The following RAB6B variants were observed in gnomAD, a reference collection of about 807,000 sequenced individuals.
The protein encoded by RAB6B is RAB6B, member RAS oncogene family, also known as ras-related protein Rab-6B.
A neutral mutation model predicts 31.2 loss-of-function variants in RAB6B; 7 were observed. The ratio of observed to expected loss-of-function variants is 0.22; its 90% CI spans 0.13 to 0.42. RAB6B has a LOEUF of 0.42. Among genes scored for constraint, RAB6B ranks in the 10% least tolerant of loss-of-function variants. The probability of loss-of-function intolerance (pLI) is 1.00; values close to 1 mark genes in which losing one functional copy is unlikely to be tolerated. For missense variants in RAB6B, 149 were observed against 280.6 expected (o/e 0.53, Z 3.35); for synonymous variants, 105 against 104.9 (o/e 1.00, Z -0.01).
rs1274739688 is a variant in RAB6B, at chr3:133,824,462, T to G, written c.*4326A>C. On this transcript the variant is annotated 3_prime_UTR_variant, in exon 8 of 8. Coordinates refer to ENST00000285208, the MANE Select transcript of RAB6B (RefSeq NM_016577.4). The stretch of plus-strand genomic sequence containing the variant: ...CCGCGAGATGCAGGCTGGCCTTCAA[T>G]GCTATGGAGGCTTCCCACCTCCTGA... 6.6e-6 allele frequency: 1 copy of G among 152,260 alleles called. No homozygotes were observed. The highest frequency in any genetic ancestry group is 1.9e-4 in the East Asian group (1 of 5,166). 9.4% of individuals were successfully genotyped at this position (152,260 alleles called of 1,614,324 possible). A position where few individuals can be genotyped will look rare whatever the true frequency, so the allele number is the denominator to read the frequency against.
In RAB6B at chr3:133,828,111, C is replaced by T. The variant is rs903768559; in HGVS notation, c.*677G>A. 13 of 637,818 alleles carry T rather than the reference C, an allele frequency of 2.0e-5. No homozygotes were observed. Among genetic ancestry groups the T allele is most frequent in the African/African-American group, 2.0e-4 (11 of 55,660 alleles). The allele number at this position is 637,818 out of a possible 1,614,324, so 39.5% of individuals were successfully genotyped here. On this transcript the variant is annotated 3_prime_UTR_variant, in exon 8 of 8. Transcript: ENST00000285208. ...AGAAGGAGAGGTGGGAGCAGTTCCT[C>T]TGGGGGCTGCTGCCGGGCTGCCTAG...
intron 2 of RAB6B, among the ~76,000 whole-genome samples, chr3:133,862,271 T>C (rs1050028204): frequency 2.0e-5 from 3 of 152,194 alleles, no homozygotes; most frequent in Non-Finnish European, 4.4e-5. Context: ...GCTGTTTTTT[T>C]TGTGTGTGTG....
intron 1 of RAB6B, among the ~76,000 whole-genome samples, chr3:133,884,954 G>A (rs759029981): frequency 1.4e-4 from 20 of 141,244 alleles, no homozygotes; most frequent in Non-Finnish European, 2.1e-4. Flanking sequence ...ACACACCAAT[G>A]ATGAGAGGAC....
chr3:133,892,157 C>A (rs141249219), intron 1 of RAB6B, among the ~76,000 whole-genome samples: 228 of 152,282 alleles, frequency 1.5e-3, no homozygotes, highest in African/African-American at 5.1e-3. Flanking sequence ...CCAGTCGGGA[C>A]TGACATATGT....
At position 133,827,950 on chromosome 3, in the gene RAB6B, A is replaced by G. The variant is rs1256618334; in HGVS notation, c.*838T>C. Reference sequence around the variant, plus strand: ...AGTACACATGGCACCCCAGTCTATAAACCACGCACCACGCAGCTGCAATTG... The same window carrying G: ...AGTACACATGGCACCCCAGTCTATAGACCACGCACCACGCAGCTGCAATTG... On this transcript the variant is annotated 3_prime_UTR_variant, in exon 8 of 8. Coordinates refer to ENST00000285208, the MANE Select transcript of RAB6B (RefSeq NM_016577.4). 5 of 702,884 alleles carry G rather than the reference A, an allele frequency of 7.1e-6. No homozygotes were observed. The East Asian group carries it at 1.3e-4, about 19-fold the overall frequency. The allele number at this position is 702,884 out of a possible 1,614,324, so 43.5% of individuals were successfully genotyped here. A position where few individuals can be genotyped will look rare whatever the true frequency, so the allele number is the denominator to read the frequency against.
intron 6 of RAB6B, among the ~76,000 whole-genome samples, chr3:133,835,795 C>T (rs942582444): frequency 1.3e-5 from 2 of 152,032 alleles, no homozygotes; most frequent in Non-Finnish European, 2.9e-5. Flanking sequence ...CTGCCCCTTC[C>T]ACCTTGTGAG....
At chr3:133,841,927 G>A (rs1011579589) in intron 2 of RAB6B, among the ~76,000 whole-genome samples, 32 of 152,298 alleles carry the variant, frequency 2.1e-4, no homozygotes, top group African/African-American at 5.1e-4. Context: ...CAGTGAGAGC[G>A]CAGTGGTGAG....
intron 6 of RAB6B, among the ~76,000 whole-genome samples, chr3:133,837,717 T>C (rs1454202567): frequency 6.6e-6 from 1 of 152,236 alleles, no homozygotes; most frequent in Non-Finnish European, 1.5e-5. Context: ...TGGTAGGCTC[T>C]TTCCCCCAGG....
rs543714254 is a variant in RAB6B, at chr3:133,870,079, T to G, written c.71-5437A>C. Among the ~76,000 whole-genome samples the G allele has an allele frequency of 2.0e-5, 3 of 152,236 alleles. No individual in the cohort carries two copies. In the South Asian group the frequency reaches 6.2e-4, roughly 32 times the overall value. ...CCATTCTCACACTGCTATGAAGAAA[T>G]ACGTGAGACTGGGTCATTTATAAAG... On this transcript the variant is annotated intron_variant, in intron 1 of 7. Coordinates refer to ENST00000285208, the MANE Select transcript of RAB6B (RefSeq NM_016577.4).
In RAB6B at chr3:133,889,662, C is replaced by T. The variant is rs530945528; in HGVS notation, c.70+5735G>A. On this transcript the variant is annotated intron_variant, in intron 1 of 7. Transcript: ENST00000285208. ...CGTTGGCCAGGCTGGTCTCGAACTCCTGACCTCAAGTGATCTACCCACCTT... is the reference window on the plus strand; with the variant it reads ...CGTTGGCCAGGCTGGTCTCGAACTCTTGACCTCAAGTGATCTACCCACCTT... 2.0e-5 allele frequency among the ~76,000 whole-genome samples: 3 copies of T among 152,022 alleles called. No homozygotes were observed. The East Asian group carries it at 5.9e-4, about 30-fold the overall frequency.
intron 2 of RAB6B, among the ~76,000 whole-genome samples, chr3:133,842,668 C>T (rs888238916): frequency 2.0e-5 from 3 of 152,112 alleles, no homozygotes; most frequent in Non-Finnish European, 2.9e-5. Context: ...CATCATGTGG[C>T]GAGTGATCCC....
intron 1 of RAB6B, among the ~76,000 whole-genome samples, chr3:133,886,371 C>T (rs1936547450): frequency 6.6e-6 from 1 of 152,214 alleles, no homozygotes; most frequent in Admixed American, 6.5e-5. Flanking sequence ...ACCGACCTCA[C>T]ACATCTGAAG....
At chr3:133,838,120 A>ACCGTGCCGGGCC (rs55955021) in intron 6 of RAB6B, 46 bp downstream of exon 6, 65 of 1,550,416 alleles carry the variant, frequency 4.2e-5, no homozygotes, top group Admixed American at 3.8e-4. Context: ...ACAGGGCTAC[A>ACCGTGCCGGGCC]CCGTGCCGGG....
intron 2 of RAB6B, among the ~76,000 whole-genome samples, chr3:133,860,821 A>G (rs1399506206): frequency 6.6e-6 from 1 of 152,210 alleles, no homozygotes; most frequent in African/African-American, 2.4e-5. Flanking sequence ...CAGCCCGTTA[A>G]GTCAGTGGTT....
At position 133,895,550 on chromosome 3, in the gene RAB6B, G is replaced by T. The variant is rs1936697592; in HGVS notation, c.-84C>A. On this transcript the variant is annotated 5_prime_UTR_variant, in exon 1 of 8. Coordinates refer to ENST00000285208, the MANE Select transcript of RAB6B (RefSeq NM_016577.4). ...GGAGAGTAGGAGGGCGAGGGGAGGCGGCCGGCGGTGCGGGAGCCGGAGGGG... is the reference window on the plus strand; with the variant it reads ...GGAGAGTAGGAGGGCGAGGGGAGGCTGCCGGCGGTGCGGGAGCCGGAGGGG... The T allele has an allele frequency of 6.3e-6, 9 of 1,423,002 alleles. No individual in the cohort carries two copies. Among genetic ancestry groups the T allele is most frequent in the Admixed American group, 5.3e-5 (3 of 56,170 alleles). 88.1% of individuals were successfully genotyped at this position (1,423,002 alleles called of 1,614,324 possible).
intron 2 of RAB6B, among the ~76,000 whole-genome samples, chr3:133,846,308 A>G (rs1935907633): frequency 6.6e-6 from 1 of 152,164 alleles, no homozygotes. Context: ...TTAGCCAGGT[A>G]TCTTGGCGGA....
chr3:133,871,911 T>G (rs1451421268), intron 1 of RAB6B, among the ~76,000 whole-genome samples: 1 of 152,244 alleles, frequency 6.6e-6, no homozygotes, highest in Non-Finnish European at 1.5e-5. Context: ...AGTGGGATCC[T>G]GATCCTCCTG....
intron 4 of RAB6B, among the ~76,000 whole-genome samples, chr3:133,840,363 G>A (rs1042226306): frequency 1.3e-5 from 2 of 152,224 alleles, no homozygotes; most frequent in African/African-American, 4.8e-5. Context: ...AGGGGAGGTA[G>A]CTGTCCTCAG....
intron 1 of RAB6B, among the ~76,000 whole-genome samples, chr3:133,869,460 G>A (rs1272078143): frequency 6.6e-6 from 1 of 152,246 alleles, no homozygotes; most frequent in East Asian, 1.9e-4. Context: ...ACATGGAGGA[G>A]CATGGATTCT....
Sources: allele counts gnomAD v4.1 joint callset (sites outside exome capture counted in the v4.1 genomes callset), GRCh38; gene constraint gnomAD v4.1.1; transcripts MANE v1.5; gene names NCBI Gene and HGNC (gene_info 2026-07-23, HGNC 2026-07-21).